Variants in NCKAP5 observed in about 807,000 individuals in gnomAD.
NCKAP5 encodes NCK associated protein 5.
Under a neutral mutation model 167.0 loss-of-function variants are expected in NCKAP5, and 92 were observed. The observed-to-expected ratio is 0.55, with a 90% confidence interval of 0.47 to 0.66. The LOEUF is 0.66. Ranked by LOEUF, NCKAP5 falls within the 30% of genes least tolerant of loss-of-function variation. NCKAP5 has a pLI of 0.00. For missense variants in NCKAP5, 2,378 were observed against 2,315.0 expected, an observed-to-expected ratio of 1.03 and a Z score of -0.56; for synonymous variants, 891 against 877.4, an observed-to-expected ratio of 1.02 and a Z score of -0.27.
At chr2:133,651,899 T>C in the NCKAP5 span, among the ~76,000 whole-genome samples, 2 of 152,242 alleles carry the variant, frequency 1.3e-5, no homozygotes, top group African/African-American at 4.8e-5. Flanking sequence ...TTGGGGTTTC[T>C]GTGAATTTAC....
intron 2 of NCKAP5, among the ~76,000 whole-genome samples, chr2:133,538,941 T>G (rs1251563272): frequency 1.2e-4 from 16 of 134,854 alleles, no homozygotes; most frequent in East Asian, 4.2e-4. Flanking sequence ...GTTTTTTTTT[T>G]TTTTTTTTTT....
chr2:133,082,280 C>T (rs1385165180), intron 6 of NCKAP5, among the ~76,000 whole-genome samples: 1 of 152,102 alleles, frequency 6.6e-6, no homozygotes, highest in African/African-American at 2.4e-5. Context: ...GCATTCCTCC[C>T]AGCACACACA....
rs542202960 is a variant in NCKAP5, at chr2:133,127,032, A to G, written c.341+2946T>C. On this transcript the variant is annotated intron_variant, in intron 6 of 19. Coordinates refer to ENST00000409261, the MANE Select transcript of NCKAP5 (RefSeq NM_207363.3). ...TTTCACATCCCAGATATCATCATGC[A>G]CAAAATGAACTCATTGGCCCAAGAG... 9.2e-5 allele frequency among the ~76,000 whole-genome samples: 14 copies of G among 152,300 alleles called. 1 individual carries two copies. In the South Asian group the frequency reaches 2.7e-3, roughly 29 times the overall value.
the NCKAP5 span, among the ~76,000 whole-genome samples, chr2:133,593,222 C>T: frequency 6.6e-6 from 1 of 152,256 alleles, no homozygotes; most frequent in Non-Finnish European, 1.5e-5. Flanking sequence ...AGATGATATA[C>T]ACTATCTGTT....
chr2:133,226,733 C>T (rs2086912408), intron 4 of NCKAP5, among the ~76,000 whole-genome samples: 1 of 151,624 alleles, frequency 6.6e-6, no homozygotes, highest in African/African-American at 2.4e-5. Context: ...CCACCAGAAG[C>T]CAGGAGAGAG....
chr2:133,241,934 A>G (rs1385061518), intron 4 of NCKAP5, among the ~76,000 whole-genome samples: 1 of 152,086 alleles, frequency 6.6e-6, no homozygotes, highest in East Asian at 1.9e-4. Context: ...CCTGGCCAAC[A>G]TGGTAAAACT....
the NCKAP5 span, among the ~76,000 whole-genome samples, chr2:133,660,375 TTTTC>T: frequency 2.0e-5 from 3 of 152,188 alleles, no homozygotes; most frequent in Admixed American, 1.3e-4. Context: ...CAAGAGCATG[TTTTC>T]TTTATTTTGT....
chr2:133,620,246 C>T, the NCKAP5 span, among the ~76,000 whole-genome samples: 2 of 151,702 alleles, frequency 1.3e-5, no homozygotes, highest in Admixed American at 6.6e-5. Context: ...CTAATACTAA[C>T]ATTGATGTAA....
the NCKAP5 span, among the ~76,000 whole-genome samples, chr2:133,642,336 A>G: frequency 1.3e-5 from 2 of 152,162 alleles, no homozygotes; most frequent in Admixed American, 1.3e-4. Flanking sequence ...TTTTGCAGAG[A>G]CAAGTAACAT....
At chr2:132,870,758 C>T (rs1690749669) in intron 9 of NCKAP5, among the ~76,000 whole-genome samples, 1 of 112,396 alleles carries the variant, frequency 8.9e-6, no homozygotes, top group African/African-American at 3.6e-5. Context: ...AGAATGTTTC[C>T]ATGGAGCTTA....
intron 11 of NCKAP5, among the ~76,000 whole-genome samples, chr2:132,857,529 G>A (rs564564217): frequency 8.9e-4 from 136 of 152,250 alleles, no homozygotes; most frequent in African/African-American, 3.2e-3. Context: ...ATTTGAAAGG[G>A]GGAATGCTGA....
chr2:132,783,448 GGATGAT>G lies in NCKAP5; in HGVS notation c.3357_3362del (p.Ser1122_Ser1123del), dbSNP rs1213739769. The G allele has an allele frequency of 6.3e-7, 1 of 1,586,874 alleles. No homozygotes were observed. ...TGTTATGGCTTTTGGCGGGTGATGAGGATGATGAGGAACTGCTGACCTGAGATGATG... is the reference window on the plus strand; with the variant it reads ...TGTTATGGCTTTTGGCGGGTGATGAGGAGGAACTGCTGACCTGAGATGATG... On this transcript the variant is annotated inframe_deletion, in exon 14 of 20. Coordinates refer to ENST00000409261, the MANE Select transcript of NCKAP5 (RefSeq NM_207363.3).
At chr2:133,143,327 A>T (rs1227824251) in intron 5 of NCKAP5, among the ~76,000 whole-genome samples, 1 of 152,138 alleles carries the variant, frequency 6.6e-6, no homozygotes, top group Non-Finnish European at 1.5e-5. Flanking sequence ...GCAAATACCT[A>T]CAACAGAGGC....
chr2:133,611,558 GT>G, the NCKAP5 span, among the ~76,000 whole-genome samples: 1 of 152,156 alleles, frequency 6.6e-6, no homozygotes, highest in Non-Finnish European at 1.5e-5. Context: ...GTCCAGTGGG[GT>G]TTTTGGTCTA....
chr2:133,262,279 C>G (rs934664539), intron 4 of NCKAP5, among the ~76,000 whole-genome samples: 10 of 151,506 alleles, frequency 6.6e-5, no homozygotes, highest in African/African-American at 2.4e-4. Flanking sequence ...AGGAGTAATC[C>G]CACATAACAT....
At chr2:132,907,681 G>A (rs1694108789) in intron 8 of NCKAP5, among the ~76,000 whole-genome samples, 1 of 151,630 alleles carries the variant, frequency 6.6e-6, no homozygotes, top group Non-Finnish European at 1.5e-5. Flanking sequence ...TTTTTGAGAA[G>A]GAGTCTCGCT....
chr2:133,281,243 T>C (rs1158137032), intron 4 of NCKAP5, among the ~76,000 whole-genome samples: 1 of 152,224 alleles, frequency 6.6e-6, no homozygotes, highest in African/African-American at 2.4e-5. Context: ...TCCTAATGAA[T>C]GGATATCTAC....
the NCKAP5 span, among the ~76,000 whole-genome samples, chr2:133,634,856 ATTTTCTTTC>A: frequency 6.7e-6 from 1 of 149,904 alleles, no homozygotes; most frequent in South Asian, 2.1e-4. Context: ...TTGTATTTTT[ATTTTCTTTC>A]TTTTCTTTCT....
the NCKAP5 span, among the ~76,000 whole-genome samples, chr2:133,654,376 TC>T: frequency 3.1e-5 from 3 of 98,104 alleles, no homozygotes; most frequent in Non-Finnish European, 6.1e-5. Flanking sequence ...AGACTCTATC[TC>T]AAATAAATAA....
Sources: allele counts gnomAD v4.1 joint callset (sites outside exome capture counted in the v4.1 genomes callset), GRCh38; gene constraint gnomAD v4.1.1; transcripts MANE v1.5; gene names NCBI Gene and HGNC (gene_info 2026-07-23, HGNC 2026-07-21).